The following RYR2 variants were observed in gnomAD, a reference collection of about 807,000 sequenced individuals.
The protein encoded by RYR2 is cardiac muscle ryanodine receptor-calcium release channel.
A neutral mutation model predicts 601.1 loss-of-function variants in RYR2; 227 were observed. The observed-to-expected ratio is 0.38, with a 90% CI of 0.34 to 0.42. The LOEUF is 0.42. RYR2 is among the 10% of genes least tolerant of loss of function. The pLI is 1.00. For synonymous variants in RYR2, 2,223 were observed against 2,175.1 expected (o/e 1.02, Z -0.61); for missense variants, 4,646 against 6,156.5 (o/e 0.75, Z 8.21).
At chr1:237,697,300 T>C (rs915317359) in intron 63 of RYR2, among the ~76,000 whole-genome samples, 8 of 148,160 alleles carry the variant, frequency 5.4e-5, no homozygotes, top group African/African-American at 2.0e-4. Context: ...CCTGTTATTC[T>C]ACCCAGTTTC....
intron 1 of RYR2, among the ~76,000 whole-genome samples, chr1:237,123,684 G>A (rs1007983161): frequency 9.9e-5 from 12 of 121,112 alleles, no homozygotes; most frequent in Non-Finnish European, 1.5e-4. Flanking sequence ...TTTTTGAGAC[G>A]GAGTCTCGCT....
chr1:237,369,150 G>A (rs1476563579), intron 5 of RYR2, among the ~76,000 whole-genome samples: 2 of 152,084 alleles, frequency 1.3e-5, no homozygotes, highest in African/African-American at 2.4e-5. Flanking sequence ...AGTGCCTCTT[G>A]TATGTTCCGC....
chr1:237,785,841 T>G, intron 90 of RYR2, 128 bp from the exon 91 acceptor site: 2 of 708,600 alleles, frequency 2.8e-6, no homozygotes, highest in Non-Finnish European at 5.0e-6. Context: ...ACGTGGCGCT[T>G]TTATCGTGGT....
intron 7 of RYR2, 57 bp downstream of exon 7, chr1:237,374,852 T>C (rs2149783111): frequency 1.5e-6 from 2 of 1,362,764 alleles, no homozygotes; most frequent in Non-Finnish European, 1.0e-6. Flanking sequence ...AGGGGTTGGA[T>C]TGGAAGAAGC....
intron 10 of RYR2, among the ~76,000 whole-genome samples, chr1:237,398,827 A>G (rs1279172191): frequency 6.6e-6 from 1 of 152,222 alleles, no homozygotes; most frequent in African/African-American, 2.4e-5. Context: ...AATAATCGAA[A>G]CATGGAATCA....
chr1:237,235,326 G>T (rs949143137), intron 1 of RYR2, among the ~76,000 whole-genome samples: 8 of 152,190 alleles, frequency 5.3e-5, no homozygotes, highest in African/African-American at 1.9e-4. Flanking sequence ...TTGGCATCTA[G>T]CCTCTCGAGA....
chr1:237,799,698 T>C (rs972665053), intron 97 of RYR2, among the ~76,000 whole-genome samples: 3 of 152,320 alleles, frequency 2.0e-5, no homozygotes, highest in African/African-American at 7.2e-5. Flanking sequence ...GATTATCCGA[T>C]TTCTATATGA....
Position 237,628,087 on chromosome 1 carries a change from T to C in RYR2, c.6440+7T>C. 6.2e-7 allele frequency: 1 copy of C among 1,612,858 alleles called. No homozygotes were observed. The highest frequency in any genetic ancestry group is 8.5e-7 in the Non-Finnish European group (1 of 1,179,156). ...TCATGATTCGTGGATTAGGGTAAATTATTTAACTACTACAACCCTTTGTCT... is the reference window on the plus strand; with the variant it reads ...TCATGATTCGTGGATTAGGGTAAATCATTTAACTACTACAACCCTTTGTCT... On this transcript the variant is annotated splice_region_variant and intron_variant, in intron 41 of 104. Transcript: ENST00000366574.
rs533382449 is a variant in RYR2 at position 237,423,042 on chromosome 1, C to T, written c.849-50C>T. On this transcript the variant is annotated intron_variant, in intron 11 of 104. Coordinates refer to ENST00000366574, the MANE Select transcript of RYR2 (RefSeq NM_001035.3). ...CCGACATATGTTTTAATAGCTACTCCTTCTGTGATTGTGGGTGCTATTGGA... is the reference window on the plus strand; with the variant it reads ...CCGACATATGTTTTAATAGCTACTCTTTCTGTGATTGTGGGTGCTATTGGA... 15 of 1,573,336 alleles carry T rather than the reference C, an allele frequency of 9.5e-6. 1 individual carries two copies. The highest frequency in any genetic ancestry group is 8.2e-5 in the African/African-American group (6 of 73,056).
chr1:237,196,353 T>A (rs1680561484), intron 1 of RYR2, among the ~76,000 whole-genome samples: 1 of 152,290 alleles, frequency 6.6e-6, no homozygotes, highest in East Asian at 1.9e-4. Context: ...TTTCAAAGTG[T>A]TTTCATTTGC....
At chr1:237,237,945 C>CCCTTTCCTTTCCCCTTTCCTTTCCCCTTT (rs1558476721) in intron 1 of RYR2, among the ~76,000 whole-genome samples, 2 of 35,500 alleles carry the variant, frequency 5.6e-5, no homozygotes, top group African/African-American at 6.5e-5. Flanking sequence ...CTTTCCTTTC[C>CCCTTTCCTTTCCCCTTTCCTTTCCCCTTT]CCTTTCCTTT....
At chr1:237,485,357 T>C (rs1269717429) in intron 17 of RYR2, among the ~76,000 whole-genome samples, 2 of 152,214 alleles carry the variant, frequency 1.3e-5, no homozygotes, top group Admixed American at 6.5e-5. Context: ...TGACCTTCCC[T>C]GGGTCAGAGT....
intron 2 of RYR2, among the ~76,000 whole-genome samples, chr1:237,299,949 C>T (rs1448464525): frequency 6.6e-6 from 1 of 152,156 alleles, no homozygotes; most frequent in Non-Finnish European, 1.5e-5. Flanking sequence ...CTGTCATTCT[C>T]CTTTCTCAAG....
At chr1:237,445,701 C>T (rs1708270578) in intron 14 of RYR2, among the ~76,000 whole-genome samples, 179 bp downstream of exon 14, 1 of 152,134 alleles carries the variant, frequency 6.6e-6, no homozygotes, top group African/African-American at 2.4e-5. Flanking sequence ...TTTAAATAAA[C>T]TTTTAAAAAG....
intron 17 of RYR2, among the ~76,000 whole-genome samples, chr1:237,473,149 T>TGTG (rs1374797706): frequency 6.6e-6 from 1 of 151,774 alleles, no homozygotes; most frequent in Admixed American, 6.6e-5. Context: ...GGTGGGCGGG[T>TGTG]GTGGTGGCTC....
rs2148575595 is a variant in RYR2 at position 237,611,096 on chromosome 1, A to G, written c.4910+108A>G. The G allele has an allele frequency of 3.5e-6, 3 of 846,838 alleles. 1 individual carries two copies. Among genetic ancestry groups the G allele is most frequent in the Middle Eastern group, 6.8e-4 (2 of 2,920 alleles). The allele number at this position is 846,838 out of a possible 1,614,324, so 52.5% of individuals were successfully genotyped here. A position where few individuals can be genotyped will look rare whatever the true frequency, so the allele number is the denominator to read the frequency against. ...GCAGGGGTGGTTCTAAAGAAACAAGATGAAATTTACAAAGATCTAAATTCT... is the reference window on the plus strand; with the variant it reads ...GCAGGGGTGGTTCTAAAGAAACAAGGTGAAATTTACAAAGATCTAAATTCT... On this transcript the variant is annotated intron_variant, in intron 36 of 104. Transcript: ENST00000366574.
intron 1 of RYR2, among the ~76,000 whole-genome samples, chr1:237,091,932 T>C (rs1667002386): frequency 6.6e-6 from 1 of 152,206 alleles, no homozygotes; most frequent in Non-Finnish European, 1.5e-5. Flanking sequence ...GATGGGAATA[T>C]GCAGAGAAGA....
chr1:237,081,008 T>G (rs1265155694), intron 1 of RYR2, among the ~76,000 whole-genome samples: 2 of 28,620 alleles, frequency 7.0e-5, no homozygotes, highest in Non-Finnish European at 1.4e-4. Flanking sequence ...GAAACCATCA[T>G]TCTCAGTAAA....
At chr1:237,666,472 GT>G in intron 56 of RYR2, 39 bp from the exon 57 acceptor site, 1 of 1,557,716 alleles carries the variant, frequency 6.4e-7, no homozygotes, top group Non-Finnish European at 8.8e-7. Context: ...TCTTCACAAG[GT>G]TTTTAATGAG....
Sources: allele counts gnomAD v4.1 joint callset (sites outside exome capture counted in the v4.1 genomes callset), GRCh38; gene constraint gnomAD v4.1.1; transcripts MANE v1.5; gene names NCBI Gene and HGNC (gene_info 2026-07-23, HGNC 2026-07-21).